The following ENTPD5 variants were observed in gnomAD, a reference collection of about 807,000 sequenced individuals.
ENTPD5 encodes the protein nucleoside diphosphate phosphatase ENTPD5.
ENTPD5 carries 49 observed loss-of-function variants against 60.2 expected under a neutral mutation model. That is an observed-to-expected ratio of 0.81 (90% confidence interval 0.65 to 1.03). ENTPD5 has a LOEUF of 1.03. Among genes scored for constraint, ENTPD5 ranks in the 50% least tolerant of loss-of-function variants. The pLI, the probability that ENTPD5 is intolerant of heterozygous loss-of-function variation, is 0.00. For missense variants in ENTPD5, 480 were observed against 507.6 expected (o/e 0.95, Z 0.52); for synonymous variants, 187 against 185.4 (o/e 1.01, Z -0.07).
intron 3 of ENTPD5, among the ~76,000 whole-genome samples, chr14:73,993,267 A>C (rs574856762): frequency 4.2e-4 from 64 of 152,258 alleles, no homozygotes; most frequent in African/African-American, 1.5e-3. Context: ...GATCCCGGGA[A>C]GTTGAGGTTC....
intron 3 of ENTPD5, among the ~76,000 whole-genome samples, chr14:73,999,460 C>A (rs575345424): frequency 4.4e-4 from 66 of 150,580 alleles, no homozygotes; most frequent in African/African-American, 1.6e-3. Context: ...TGCACCCCAG[C>A]CTGGGTGACA....
chr14:73,989,753 A>T (rs2140662116), intron 3 of ENTPD5, among the ~76,000 whole-genome samples: 1 of 148,650 alleles, frequency 6.7e-6, no homozygotes, highest in East Asian at 2.1e-4. Flanking sequence ...GAATCTCTTG[A>T]ACCCGGGAGG....
Position 73,970,085 on chromosome 14 carries a change from G to T in ENTPD5, c.1125C>A (p.Phe375Leu). Reference protein sequence around the residue: ...NLENFTSGSPFLCMDLSYITA... With the variant: ...NLENFTSGSPLLCMDLSYITA... ...TGATGTAGCTGAGATCCATGCACAG[G>T]AAAGGACTGCCTGAGGTGAAGTTTT... Residue 375 changes from phenylalanine (F) to leucine (L), a missense_variant, in exon 15 of 16, where the codon TTC becomes TTA. Physicochemically the swap from Phe to Leu is conservative, Grantham distance 22 (BLOSUM62 0). Transcript: ENST00000334696. 3 of 1,613,994 alleles carry T rather than the reference G, an allele frequency of 1.9e-6. No homozygotes were observed. The highest frequency in any genetic ancestry group is 2.5e-6 in the Non-Finnish European group (3 of 1,179,896).
intron 15 of ENTPD5, among the ~76,000 whole-genome samples, chr14:73,967,471 T>G (rs2057025157): frequency 6.6e-6 from 1 of 152,146 alleles, no homozygotes; most frequent in South Asian, 2.1e-4. Flanking sequence ...GCTTCTCAAC[T>G]CCTACTATGT....
At chr14:73,995,295 G>A (rs576159584) in intron 3 of ENTPD5, among the ~76,000 whole-genome samples, 4 of 152,036 alleles carry the variant, frequency 2.6e-5, no homozygotes, top group South Asian at 4.2e-4. Context: ...TGATCCACCC[G>A]CCTCAGCCTC....
In ENTPD5 at chr14:73,988,012, C is replaced by T. The variant is rs1387554582; in HGVS notation, c.91G>A (p.Glu31Lys). The change falls in exon 4 of 16, where the codon GAG becomes AAG. Residue 31 changes from glutamate (E) to lysine (K), a missense_variant. Transcript: ENST00000334696. The part of the protein sequence containing the change: ...VSHRNQQTWF[E>K]GIFLSSMCPI... ...CACATGGAAGACAGGAAGATACCCT[C>T]AAACCAAGTCTGCTGGTTCCTGTGG... The T allele has an allele frequency of 1.2e-6, 2 of 1,614,046 alleles. No individual in the cohort carries two copies. The highest frequency in any genetic ancestry group is 1.7e-6 in the Non-Finnish European group (2 of 1,180,038).
At chr14:74,009,923 C>A (rs561293546) in intron 3 of ENTPD5, among the ~76,000 whole-genome samples, 1 of 152,256 alleles carries the variant, frequency 6.6e-6, no homozygotes, top group African/African-American at 2.4e-5. Flanking sequence ...TCCTGAGTAG[C>A]AGGGACTACA....
At chr14:73,961,099 G>C (rs1456755723), downstream of ENTPD5, 2 of 1,512,768 alleles carry the variant, frequency 1.3e-6, no homozygotes, top group African/African-American at 1.4e-5. Context: ...TTACAAACAA[G>C]GTTTCTTTAT....
chr14:74,001,106 C>G (rs1399527931), intron 3 of ENTPD5, among the ~76,000 whole-genome samples: 4 of 152,020 alleles, frequency 2.6e-5, no homozygotes, highest in Non-Finnish European at 4.4e-5. Flanking sequence ...GCCTGTAATC[C>G]TAGCACTTTG....
At chr14:73,977,148 T>C in intron 7 of ENTPD5, 89 bp from the exon 8 acceptor site, 1 of 1,345,934 alleles carries the variant, frequency 7.4e-7, no homozygotes, top group Non-Finnish European at 1.0e-6. Flanking sequence ...CCTCTCTAAA[T>C]TCCATGTCTA....
At chr14:73,993,169 T>G (rs1159662462) in intron 3 of ENTPD5, among the ~76,000 whole-genome samples, 2 of 152,096 alleles carry the variant, frequency 1.3e-5, no homozygotes, top group African/African-American at 4.8e-5. Flanking sequence ...AAACCCCATC[T>G]CTACCAAAAG....
chr14:74,011,051 C>T (rs550359206), intron 3 of ENTPD5, 40 bp downstream of exon 3: 21 of 427,458 alleles, frequency 4.9e-5, no homozygotes, highest in Non-Finnish European at 6.2e-5. Flanking sequence ...AGAAATCTGA[C>T]CTATGAAAAA....
chr14:73,977,122 C>CT, intron 7 of ENTPD5, 63 bp from the exon 8 acceptor site: 3 of 1,509,376 alleles, frequency 2.0e-6, no homozygotes, highest in Admixed American at 2.0e-5. Flanking sequence ...TGGCCCCAAC[C>CT]TTGTTTTTTT....
intron 14 of ENTPD5, 28 bp downstream of exon 14, chr14:73,971,824 A>G: frequency 1.3e-6 from 2 of 1,558,072 alleles, no homozygotes; most frequent in African/African-American, 1.4e-5. Context: ...TCACAGGCTT[A>G]CCTTCAAGGG....
At chr14:73,973,795 G>A in intron 12 of ENTPD5, 82 bp downstream of exon 12, 1 of 1,212,214 alleles carries the variant, frequency 8.2e-7, no homozygotes. Context: ...CTTCTCTTGA[G>A]TTCTGGAAAA....
At chr14:73,955,805 G>A (rs1433377206), downstream of ENTPD5, 1 of 1,614,012 alleles carries the variant, frequency 6.2e-7, no homozygotes, top group Non-Finnish European at 8.5e-7. Context: ...GTGTTTCCAG[G>A]TGTGGGACGC....
At chr14:73,974,124 G>C in intron 11 of ENTPD5, 146 bp from the exon 12 acceptor site, 1 of 666,788 alleles carries the variant, frequency 1.5e-6, no homozygotes, top group Non-Finnish European at 2.6e-6. Context: ...AACATCCTGT[G>C]ACAGGAATCC....
At chr14:73,960,396 G>C (rs1398533135), downstream of ENTPD5, 3 of 987,986 alleles carry the variant, frequency 3.0e-6, no homozygotes, top group Non-Finnish European at 2.4e-6. Flanking sequence ...ATGGGTACCA[G>C]TATTACTTTT....
chr14:73,992,894 T>C (rs962707098), intron 3 of ENTPD5, among the ~76,000 whole-genome samples: 1 of 151,866 alleles, frequency 6.6e-6, no homozygotes, highest in African/African-American at 2.4e-5. Flanking sequence ...TCCTAGCTAC[T>C]TGGGAGGCTG....
Sources: gnomAD v4.1 joint callset for allele counts (sites outside exome capture counted in the v4.1 genomes callset) on GRCh38, gnomAD v4.1.1 for gene constraint, MANE v1.5 for transcripts, NCBI Gene and HGNC (gene_info 2026-07-23, HGNC 2026-07-21) for gene names.